The following KIRREL3 variants were observed in gnomAD, a reference collection of about 807,000 sequenced individuals.
The protein encoded by KIRREL3 is kirre like nephrin family adhesion molecule 3, also known as kin of IRRE-like protein 3.
KIRREL3 carries 36 observed loss-of-function variants against 89.7 expected under a neutral mutation model. That is an observed-to-expected ratio of 0.40 (90% CI 0.31 to 0.53). The LOEUF (loss-of-function observed/expected upper bound fraction) is 0.53, where lower values mean the gene tolerates loss of function less well. Ranked by LOEUF, KIRREL3 falls within the 20% of genes least tolerant of loss-of-function variation. The pLI is 0.49. For synonymous variants in KIRREL3, 445 were observed against 441.4 expected (o/e 1.01, Z -0.10); for missense variants, 864 against 1,056.6 (o/e 0.82, Z 2.53).
At position 126,571,091 on chromosome 11, in the gene KIRREL3, T is replaced by C. The variant is rs915250891; in HGVS notation, c.56-8179A>G. Among the ~76,000 whole-genome samples the C allele has an allele frequency of 5.3e-5, 8 of 152,212 alleles. No homozygotes were observed. In the East Asian group the frequency reaches 1.5e-3, roughly 29 times the overall value. ...TGCCGTACACCTCCATGTTGGTGCT[T>C]GTTGGTGCGTCGTGCCATGCTCTGT... On this transcript the variant is annotated intron_variant, in intron 1 of 16. Transcript: ENST00000525144. This position sits in a 1 kb window ranked among gnomAD's most constrained non-coding sequence, Gnocchi z 7.7.
chr11:126,770,944 T>C (rs564222960), intron 1 of KIRREL3, among the ~76,000 whole-genome samples: 1 of 152,210 alleles, frequency 6.6e-6, no homozygotes, highest in Non-Finnish European at 1.5e-5. Flanking sequence ...CAAGTGATTT[T>C]CCTGCCTCAG....
At chr11:126,881,999 G>A (rs961711298) in intron 1 of KIRREL3, among the ~76,000 whole-genome samples, 3 of 152,120 alleles carry the variant, frequency 2.0e-5, no homozygotes, top group African/African-American at 4.8e-5. Context: ...AGGGGTGTGC[G>A]TATATATGGG....
In KIRREL3 at chr11:126,636,649, G is replaced by A. The variant is rs983625037; in HGVS notation, c.56-73737C>T. Among the ~76,000 whole-genome samples, 2 of 152,148 alleles carry A rather than the reference G, an allele frequency of 1.3e-5. No homozygotes were observed. Among genetic ancestry groups the A allele is most frequent in the African/African-American group, 4.8e-5 (2 of 41,416 alleles). ...GACCCAGCTTACTGCCTGCTCTGCT[G>A]CCAGCACCCTTTCTTGTGTCTTGGT... On this transcript the variant is annotated intron_variant, in intron 1 of 16. Transcript: ENST00000525144. This position sits in a 1 kb window ranked among gnomAD's most constrained non-coding sequence, Gnocchi z 4.4.
chr11:126,471,927 C>A lies in KIRREL3; in HGVS notation c.591+1382G>T, dbSNP rs565758017. On this transcript the variant is annotated intron_variant, in intron 5 of 16. Coordinates refer to ENST00000525144, the MANE Select transcript of KIRREL3 (RefSeq NM_032531.4). This position sits in a 1 kb window ranked among gnomAD's most constrained non-coding sequence, Gnocchi z 5.4. ...TCGTGTGTGAATTAGAGACCAGAAC[C>A]CCTGTTGGTAGACACAGCAGGGCAA... Among the ~76,000 whole-genome samples the A allele has an allele frequency of 6.6e-6, 1 of 152,220 alleles. No individual in the cohort carries two copies. The highest frequency in any genetic ancestry group is 1.9e-4 in the East Asian group (1 of 5,168).
In KIRREL3 at chr11:126,557,649, TA is replaced by T. The variant is rs562140286; in HGVS notation, c.133+5185del. 1.4e-3 allele frequency among the ~76,000 whole-genome samples: 208 copies of T among 152,288 alleles called. No homozygotes were observed. The highest frequency in any genetic ancestry group is 2.5e-3 in the Non-Finnish European group (171 of 68,026). On this transcript the variant is annotated intron_variant, in intron 2 of 16. Transcript: ENST00000525144. The surrounding 1 kb of genome is among the most constrained non-coding windows in gnomAD (Gnocchi z 5.6). ...AGAAGCTTTAGACTCATTTTTTTAT[TA>T]GTGTACGAGGGTGCATAAAGAACAG... is the stretch of plus-strand genomic sequence containing the variant.
rs889498957 is a variant in KIRREL3, at chr11:126,709,579, G to A, written c.56-146667C>T. ...ATTAAGTTAAAATGAGGTCATTAGG[G>A]TGCGTCCTAATCCTGCATGACTGGT... is the stretch of plus-strand genomic sequence containing the variant. On this transcript the variant is annotated intron_variant, in intron 1 of 16. Transcript: ENST00000525144. The surrounding 1 kb of genome is among the most constrained non-coding windows in gnomAD (Gnocchi z 4.0). Among the ~76,000 whole-genome samples the A allele has an allele frequency of 6.6e-6, 1 of 152,172 alleles. No homozygotes were observed.
In KIRREL3 at chr11:126,908,343, G is replaced by A. The variant is rs534787551; in HGVS notation, c.55+92112C>T. ...ACTAAGAGATCTTTATGATCATTTCGTCCAACCAAAGCAAGGACTCCGAAG... is the reference window on the plus strand; with the variant it reads ...ACTAAGAGATCTTTATGATCATTTCATCCAACCAAAGCAAGGACTCCGAAG... On this transcript the variant is annotated intron_variant, in intron 1 of 16. Transcript: ENST00000525144. The surrounding 1 kb of genome is among the most constrained non-coding windows in gnomAD (Gnocchi z 4.2). 3.9e-4 allele frequency among the ~76,000 whole-genome samples: 59 copies of A among 152,126 alleles called. No individual in the cohort carries two copies. The highest frequency in any genetic ancestry group is 1.5e-3 in the South Asian group (7 of 4,814).
chr11:126,942,861 C>T (rs2135119187), intron 1 of KIRREL3, among the ~76,000 whole-genome samples: 1 of 152,348 alleles, frequency 6.6e-6, no homozygotes, highest in South Asian at 2.1e-4. Context: ...CCTTCTCTCT[C>T]TGAGAACCTC....
At position 126,955,076 on chromosome 11, in the gene KIRREL3, G is replaced by T. The variant is rs1948883720; in HGVS notation, c.55+45379C>A. Among the ~76,000 whole-genome samples the T allele has an allele frequency of 2.0e-5, 3 of 152,164 alleles. No individual in the cohort carries two copies. The highest frequency in any genetic ancestry group is 7.2e-5 in the African/African-American group (3 of 41,420). ...CTGGCCTTGCTCTGATGATGTTTGT[G>T]CCCTGAAGGCCACATCTGCCTGAGG... is the stretch of plus-strand genomic sequence containing the variant. On this transcript the variant is annotated intron_variant, in intron 1 of 16. Transcript: ENST00000525144. This position sits in a 1 kb window ranked among gnomAD's most constrained non-coding sequence, Gnocchi z 4.6.
chr11:126,953,367 G>T lies in KIRREL3; in HGVS notation c.55+47088C>A, dbSNP rs908049347. Among the ~76,000 whole-genome samples the T allele has an allele frequency of 6.6e-6, 1 of 152,098 alleles. No homozygotes were observed. The highest frequency in any genetic ancestry group is 1.5e-5 in the Non-Finnish European group (1 of 68,022). On this transcript the variant is annotated intron_variant, in intron 1 of 16. Coordinates refer to ENST00000525144, the MANE Select transcript of KIRREL3 (RefSeq NM_032531.4). This position sits in a 1 kb window ranked among gnomAD's most constrained non-coding sequence, Gnocchi z 5.2. ...GGCTAGGGGAGAGATAGCATTAGGA[G>T]AAATACCTAACGTAGATGAGGAGTC...
intron 1 of KIRREL3, among the ~76,000 whole-genome samples, chr11:126,792,349 A>C (rs1301296950): frequency 1.3e-5 from 2 of 152,178 alleles, no homozygotes; most frequent in Admixed American, 6.5e-5. Flanking sequence ...GATAGGTCCT[A>C]TTATTACCGT....
In KIRREL3 at chr11:126,844,964, C is replaced by T. The variant is rs963944874; in HGVS notation, c.55+155491G>A. On this transcript the variant is annotated intron_variant, in intron 1 of 16. Transcript: ENST00000525144. This position sits in a 1 kb window ranked among gnomAD's most constrained non-coding sequence, Gnocchi z 4.8. ...CTCTCTGAGCTCTCTGCCTTCCCCA[C>T]CCTGCTGTGCACAATGCTTTTTTCT... 4.6e-5 allele frequency among the ~76,000 whole-genome samples: 7 copies of T among 152,236 alleles called. No individual in the cohort carries two copies. The highest frequency in any genetic ancestry group is 3.9e-4 in the East Asian group (2 of 5,154).
In KIRREL3 at chr11:126,682,481, C is replaced by CT. The variant is rs879784454; in HGVS notation, c.56-119570dup. Among the ~76,000 whole-genome samples the CT allele has an allele frequency of 6.6e-6, 1 of 151,812 alleles. No homozygotes were observed. The highest frequency in any genetic ancestry group is 1.5e-5 in the Non-Finnish European group (1 of 67,936). On this transcript the variant is annotated intron_variant, in intron 1 of 16. Coordinates refer to ENST00000525144, the MANE Select transcript of KIRREL3 (RefSeq NM_032531.4). The surrounding 1 kb of genome is among the most constrained non-coding windows in gnomAD (Gnocchi z 4.8). ...TTTTTCCTGCCACTCCTTTACCAGGCTTTTTTTCACCTCAAATGAGTGATG... is the reference window on the plus strand; with the variant it reads ...TTTTTCCTGCCACTCCTTTACCAGGCTTTTTTTTCACCTCAAATGAGTGATG...
At chr11:126,815,534 T>G (rs1266858106) in intron 1 of KIRREL3, among the ~76,000 whole-genome samples, 2 of 152,112 alleles carry the variant, frequency 1.3e-5, no homozygotes, top group Non-Finnish European at 2.9e-5. Flanking sequence ...TATTATAATT[T>G]TATTTATTTA....
chr11:126,517,331 G>A (rs1204657528), intron 4 of KIRREL3, among the ~76,000 whole-genome samples: 1 of 152,172 alleles, frequency 6.6e-6, no homozygotes, highest in Non-Finnish European at 1.5e-5. Context: ...CTTGCCCAAG[G>A]TCACCCAGTT....
intron 1 of KIRREL3, among the ~76,000 whole-genome samples, chr11:126,885,953 A>G (rs1312556140): frequency 6.6e-6 from 1 of 152,248 alleles, no homozygotes; most frequent in East Asian, 1.9e-4. Flanking sequence ...AAGATAAGAA[A>G]TATGACTAAG....
rs1177921265 is a variant in KIRREL3, at chr11:126,683,238, G to A, written c.56-120326C>T. ...GATTTTTAGGATTTAAGAAGAACAA[G>A]AATAGTTTTGGGAGTTCTGGGAGCT... is the stretch of plus-strand genomic sequence containing the variant. On this transcript the variant is annotated intron_variant, in intron 1 of 16. Transcript: ENST00000525144. The surrounding 1 kb of genome is among the most constrained non-coding windows in gnomAD (Gnocchi z 5.2). Among the ~76,000 whole-genome samples, 1 of 152,206 alleles carries A rather than the reference G, an allele frequency of 6.6e-6. No individual in the cohort carries two copies. The highest frequency in any genetic ancestry group is 1.5e-5 in the Non-Finnish European group (1 of 68,020).
Position 126,615,231 on chromosome 11 carries a change from G to A in KIRREL3, c.56-52319C>T, listed in dbSNP as rs1204173182. 1.3e-5 allele frequency among the ~76,000 whole-genome samples: 2 copies of A among 152,088 alleles called. No individual in the cohort carries two copies. The highest frequency in any genetic ancestry group is 4.8e-5 in the African/African-American group (2 of 41,416). The stretch of plus-strand genomic sequence containing the variant: ...ATGACAGTCTTCTCTACAATGAGAC[G>A]ACATCTTTCTCATCTCTGTATTCTC... On this transcript the variant is annotated intron_variant, in intron 1 of 16. Coordinates refer to ENST00000525144, the MANE Select transcript of KIRREL3 (RefSeq NM_032531.4). This position sits in a 1 kb window ranked among gnomAD's most constrained non-coding sequence, Gnocchi z 5.4.
rs1945984079 is a variant in KIRREL3, at chr11:126,892,944, T to A, written c.55+107511A>T. Among the ~76,000 whole-genome samples the A allele has an allele frequency of 1.3e-5, 2 of 152,112 alleles. 1 individual carries two copies. ...AGAATCGGGCTAGGATAGGGCTGAGTATTCTAATTGCCTGTGGGATAGGAT... is the reference window on the plus strand; with the variant it reads ...AGAATCGGGCTAGGATAGGGCTGAGAATTCTAATTGCCTGTGGGATAGGAT... On this transcript the variant is annotated intron_variant, in intron 1 of 16. Coordinates refer to ENST00000525144, the MANE Select transcript of KIRREL3 (RefSeq NM_032531.4). The surrounding 1 kb of genome is among the most constrained non-coding windows in gnomAD (Gnocchi z 5.4).
Sources: gnomAD v4.1 joint callset for allele counts (sites outside exome capture counted in the v4.1 genomes callset) on GRCh38, gnomAD v4.1.1 for gene constraint, Gnocchi (gnomAD v3.1) non-coding constraint, MANE v1.5 for transcripts, NCBI Gene and HGNC (gene_info 2026-07-23, HGNC 2026-07-21) for gene names.